CACNA1S: variants seen among roughly 807,000 people sequenced by gnomAD.
CACNA1S encodes the protein calcium voltage-gated channel subunit alpha1 S, also known as voltage-dependent L-type calcium channel subunit alpha-1S.
A neutral mutation model predicts 207.4 loss-of-function variants in CACNA1S; 126 were observed. That is an observed-to-expected ratio of 0.61 (90% CI 0.53 to 0.70). CACNA1S has a LOEUF of 0.70. Ranked by LOEUF, CACNA1S falls within the 30% of genes least tolerant of loss-of-function variation. The pLI is 0.00. For synonymous variants in CACNA1S, 960 were observed against 932.7 expected (o/e 1.03, Z -0.53); for missense variants, 2,349 against 2,422.8 (o/e 0.97, Z 0.64).
At chr1:201,109,921 G>T (rs910197327) in intron 2 of CACNA1S, among the ~76,000 whole-genome samples, 5 of 152,230 alleles carry the variant, frequency 3.3e-5, no homozygotes, top group African/African-American at 1.2e-4. Flanking sequence ...TTAGCACAGT[G>T]CCTGGGACCA....
chr1:201,052,172 C>T (rs1037931851), intron 32 of CACNA1S, among the ~76,000 whole-genome samples: 1 of 152,232 alleles, frequency 6.6e-6, no homozygotes, highest in Admixed American at 6.5e-5. Flanking sequence ...GCAGCGCCCC[C>T]CACCCCATCT....
At chr1:201,070,883 A>T (rs116735638) in intron 16 of CACNA1S, among the ~76,000 whole-genome samples, 2,271 of 152,280 alleles carry the variant, frequency 0.015, 32 homozygotes, top group Non-Finnish European at 0.023. Context: ...TTGAAATAAA[A>T]GGACCCTGTG....
Position 201,077,139 on chromosome 1 carries a change from G to T in CACNA1S, c.1620-12C>A. On this transcript the variant is annotated splice_polypyrimidine_tract_variant and intron_variant, in intron 11 of 43. Coordinates refer to ENST00000362061, the MANE Select transcript of CACNA1S (RefSeq NM_000069.3). Reference sequence around the variant, plus strand: ...GCGACGTCCAATATCTGAAGGAAGAGGAGGCACAAGGTGGGAGGAGACAGA... The same window carrying T: ...GCGACGTCCAATATCTGAAGGAAGATGAGGCACAAGGTGGGAGGAGACAGA... 6.2e-7 allele frequency: 1 copy of T among 1,612,550 alleles called. No homozygotes were observed. Among genetic ancestry groups the T allele is most frequent in the Non-Finnish European group, 8.5e-7 (1 of 1,178,826 alleles).
chr1:201,073,894 G>A (rs1210711784), intron 14 of CACNA1S, among the ~76,000 whole-genome samples: 2 of 152,230 alleles, frequency 1.3e-5, no homozygotes, highest in Non-Finnish European at 2.9e-5. Context: ...TTGGTTGATA[G>A]TGAATGGGTG....
At chr1:201,081,406 G>A (rs1661834339) in intron 10 of CACNA1S, among the ~76,000 whole-genome samples, 1 of 152,232 alleles carries the variant, frequency 6.6e-6, no homozygotes, top group African/African-American at 2.4e-5. Flanking sequence ...TGTCCACCGT[G>A]TTGTTGGAAC....
chr1:201,043,488 C>A lies in CACNA1S; in HGVS notation c.4841G>T (p.Arg1614Met). 4 of 1,613,986 alleles carry A rather than the reference C, an allele frequency of 2.5e-6. No homozygotes were observed. The highest frequency in any genetic ancestry group is 3.4e-6 in the Non-Finnish European group (4 of 1,180,008). Residue 1614 changes from arginine to methionine, a missense_variant, in exon 40 of 44, where the codon AGG becomes ATG. By Grantham distance (91) the Arg-to-Met change is moderately conservative (BLOSUM62 -1). Coordinates refer to ENST00000362061, the MANE Select transcript of CACNA1S (RefSeq NM_000069.3). ...CATGACGGGGGGCAGGGAGTTGGTC[C>A]TTTCCAGGAAGTTGTCCACCTGGCC... ...LFGQVDNFLE[R>M]TNSLPPVMAN...
intron 17 of CACNA1S, among the ~76,000 whole-genome samples, 175 bp downstream of exon 17, chr1:201,070,097 C>A (rs746277644): frequency 3.3e-5 from 5 of 152,238 alleles, no homozygotes; most frequent in Non-Finnish European, 7.3e-5. Flanking sequence ...AGGTTTAAAG[C>A]ATTACTTTTC....
chr1:201,060,753 A>G lies in CACNA1S; in HGVS notation c.3319T>C (p.Tyr1107His), dbSNP rs1661017347. ...ACAATGTACCACACCTGGTACTGGT[A>G]TGGGTTTTTGGGAATGTAGCACCTC... ...PLRCYIPKNP[Y>H]QYQVWYIVTS... is the part of the protein sequence containing the mutation. The change falls in exon 26 of 44, where the codon TAC (tyrosine) becomes CAC (histidine). Residue 1107 changes from tyrosine (Y) to histidine (H), a missense_variant. By Grantham distance (83) the Tyr-to-His change is moderately conservative. Coordinates refer to ENST00000362061, the MANE Select transcript of CACNA1S (RefSeq NM_000069.3). 1.9e-6 allele frequency: 3 copies of G among 1,614,096 alleles called. No homozygotes were observed. The East Asian group carries it at 6.7e-5, about 36-fold the overall frequency.
Position 201,041,596 on chromosome 1 carries a change from T to C in CACNA1S, c.5049-7A>G. ...CTCCCTTTCATAGTGGACACTGAAA[T>C]GGAAGCAAGGCTGGGTGAACCAGAG... On this transcript the variant is annotated splice_polypyrimidine_tract_variant and splice_region_variant and intron_variant, in intron 40 of 43. Coordinates refer to ENST00000362061, the MANE Select transcript of CACNA1S (RefSeq NM_000069.3). 6.2e-7 allele frequency: 1 copy of C among 1,606,250 alleles called. No homozygotes were observed. Among genetic ancestry groups the C allele is most frequent in the Non-Finnish European group, 8.5e-7 (1 of 1,172,818 alleles).
chr1:201,098,325 C>T (rs1662513213), intron 2 of CACNA1S, among the ~76,000 whole-genome samples: 1 of 152,204 alleles, frequency 6.6e-6, no homozygotes, highest in African/African-American at 2.4e-5. Context: ...ATTGAGTAAG[C>T]ATTTGGAAAA....
chr1:201,069,544 C>T lies in CACNA1S; in HGVS notation c.2418G>A (p.Leu806=), dbSNP rs182634146. The T allele has an allele frequency of 3.1e-5, 49 of 1,581,720 alleles. No individual in the cohort carries two copies. The African/African-American group carries it at 5.7e-4, about 19-fold the overall frequency. ...CAGCGCTGCTGAGCAGGATGAAGAG[C>T]AGGATGAAGTTGGTAAACCAGGTGG... ...VNATWFTNFI[L]LFILLSSAAL... is the part of the protein sequence containing the mutation. The change falls in exon 18 of 44, where the codon CTG becomes CTA. Residue 806 remains leucine, a synonymous_variant. Coordinates refer to ENST00000362061, the MANE Select transcript of CACNA1S (RefSeq NM_000069.3).
chr1:201,089,025 T>C (rs539126080), intron 6 of CACNA1S, among the ~76,000 whole-genome samples: 2 of 152,230 alleles, frequency 1.3e-5, no homozygotes, highest in Non-Finnish European at 2.9e-5. Flanking sequence ...CCTTGGATCC[T>C]GCACAGACAT....
In CACNA1S at chr1:201,076,967, G is replaced by T; in HGVS notation, c.1780C>A (p.Arg594Ser). Residue 594 changes from arginine to serine, a missense_variant, in exon 12 of 44, where the codon CGC (arginine) becomes AGC (serine). Physicochemically the swap from Arg to Ser is moderately radical, Grantham distance 110. Transcript: ENST00000362061. ...RYDFEDTEVR[R>S]SNFDNFPQAL... is the part of the protein sequence containing the mutation. ...TGGGGAAAGTTGTCAAAGTTGCTGC[G>T]CCGTACTTCTGTGTCTTCAAAGTCA... 6.2e-7 allele frequency: 1 copy of T among 1,614,230 alleles called. No homozygotes were observed. Among genetic ancestry groups the T allele is most frequent in the Non-Finnish European group, 8.5e-7 (1 of 1,180,038 alleles).
At chr1:201,045,436 G>A (rs552226329) in intron 38 of CACNA1S, among the ~76,000 whole-genome samples, 2 of 152,130 alleles carry the variant, frequency 1.3e-5, no homozygotes, top group Non-Finnish European at 1.5e-5. Context: ...CTGAGGATTA[G>A]AATGTAGTAA....
intron 2 of CACNA1S, among the ~76,000 whole-genome samples, chr1:201,097,183 C>G (rs1035043640): frequency 2.6e-5 from 4 of 152,150 alleles, no homozygotes; most frequent in Non-Finnish European, 5.9e-5. Context: ...ATTGCTCTCC[C>G]CTGCCTGCAG....
At chr1:201,088,494 G>A (rs971774346) in intron 6 of CACNA1S, among the ~76,000 whole-genome samples, 1 of 152,126 alleles carries the variant, frequency 6.6e-6, no homozygotes, top group Non-Finnish European at 1.5e-5. Flanking sequence ...TATTTGCAAA[G>A]CATTTGACAG....
rs1005755370 is a variant in CACNA1S, at chr1:201,055,471, C to T, written c.3610-910G>A. 3.0e-4 allele frequency among the ~76,000 whole-genome samples: 45 copies of T among 152,354 alleles called. 1 individual carries two copies. Among genetic ancestry groups the T allele is most frequent in the African/African-American group, 1.0e-3 (43 of 41,580 alleles). On this transcript the variant is annotated intron_variant, in intron 28 of 43. Transcript: ENST00000362061. ...GTTTAAATGCACCCCAGGTGATTCT[C>T]ATATGCAAGCAAGGATGACGACCAG...
At chr1:201,047,325 CG>C (rs1660503829) in intron 37 of CACNA1S, 86 bp from the exon 38 acceptor site, 1 of 1,569,380 alleles carries the variant, frequency 6.4e-7, no homozygotes, top group Non-Finnish European at 8.7e-7. Flanking sequence ...TAGCCAGGCC[CG>C]GGCATGCAAG....
intron 22 of CACNA1S, among the ~76,000 whole-genome samples, chr1:201,062,956 C>T (rs939869981): frequency 2.6e-5 from 4 of 152,168 alleles, no homozygotes; most frequent in Non-Finnish European, 4.4e-5. Context: ...GAGGGGCTGC[C>T]CACCTCCCAC....
Sources: gnomAD v4.1 joint callset for allele counts (sites outside exome capture counted in the v4.1 genomes callset) on GRCh38, gnomAD v4.1.1 for gene constraint, MANE v1.5 for transcripts, NCBI Gene and HGNC (gene_info 2026-07-23, HGNC 2026-07-21) for gene names.